MCF2L: variants seen among roughly 807,000 people sequenced by gnomAD.
MCF2L encodes the protein MCF.2 cell line derived transforming sequence like, also known as guanine nucleotide exchange factor DBS.
In MCF2L, 97 loss-of-function variants were observed where a neutral mutation model predicts 153.4. The observed-to-expected ratio is 0.63, with a 90% CI of 0.54 to 0.75. MCF2L has a LOEUF of 0.75. Ranked by LOEUF, MCF2L falls within the 30% of genes least tolerant of loss-of-function variation. The pLI, the probability that MCF2L is intolerant of heterozygous loss-of-function variation, is 0.00. For synonymous variants in MCF2L, 659 were observed against 632.2 expected (o/e 1.04, Z -0.64); for missense variants, 1,347 against 1,495.2 (o/e 0.90, Z 1.64).
chr13:113,055,483 C>G (rs1361898264), intron 4 of MCF2L, among the ~76,000 whole-genome samples: 2 of 140,316 alleles, frequency 1.4e-5, no homozygotes, highest in Non-Finnish European at 3.0e-5. Context: ...TCAGCTTGTC[C>G]TTAAAGATCC....
intron 18 of MCF2L, chr13:113,084,670 G>A (rs1326968938): frequency 1.7e-6 from 1 of 582,720 alleles, no homozygotes; most frequent in Non-Finnish European, 3.1e-6. Flanking sequence ...AGGGGCTCTG[G>A]GACAGGGAGC....
In MCF2L at chr13:112,904,839, CCCAG is replaced by C. The variant is rs1427217252; in HGVS notation, c.169+2470_169+2473del. Among the ~76,000 whole-genome samples, 1 of 152,242 alleles carries C rather than the reference CCCAG, an allele frequency of 6.6e-6. No individual in the cohort carries two copies. Among genetic ancestry groups the C allele is most frequent in the Non-Finnish European group, 1.5e-5 (1 of 68,052 alleles). Reference sequence around the variant, plus strand: ...ACCTGGGGCCTTGGCAATGTCCTAGCCCAGCTGGCTGGAGACAGTTGGTGGTGAT... The same window carrying C: ...ACCTGGGGCCTTGGCAATGTCCTAGCCTGGCTGGAGACAGTTGGTGGTGAT... On this transcript the variant is annotated intron_variant, in intron 2 of 29. Coordinates refer to the MCF2L transcript ENST00000375608. The surrounding 1 kb of genome is among the most constrained non-coding windows in gnomAD (Gnocchi z 4.2).
intron 1 of MCF2L, chr13:113,002,134 GA>G: frequency 1.0e-6 from 1 of 976,766 alleles, no homozygotes; most frequent in Non-Finnish European, 1.4e-6. Flanking sequence ...GCCGGGGATG[GA>G]TGTTGGGGTG....
chr13:113,002,121 G>T, intron 1 of MCF2L: 2 of 1,045,976 alleles, frequency 1.9e-6, no homozygotes, highest in Non-Finnish European at 2.6e-6. Flanking sequence ...GGGGCTGGGG[G>T]ATGCCGGGGA....
At chr13:112,978,330 C>T (rs182243664) in intron 1 of MCF2L, among the ~76,000 whole-genome samples, 31 of 152,308 alleles carry the variant, frequency 2.0e-4, no homozygotes, top group Non-Finnish European at 2.9e-5. Flanking sequence ...CTTCAGGGGA[C>T]GGCAGCCTTG....
intron 2 of MCF2L, among the ~76,000 whole-genome samples, chr13:112,906,909 A>T (rs979846302): frequency 1.3e-5 from 2 of 152,228 alleles, no homozygotes; most frequent in African/African-American, 4.8e-5. Flanking sequence ...ACCTTTGAGC[A>T]TCACACTGTT....
chr13:113,044,900 A>G, intron 3 of MCF2L: 1 of 1,612,738 alleles, frequency 6.2e-7, no homozygotes, highest in Non-Finnish European at 8.5e-7. Flanking sequence ...TATGCGCCAT[A>G]AGACTGTTTT....
At chr13:112,896,465 T>C (rs58811248) in intron 1 of MCF2L, among the ~76,000 whole-genome samples, 15,012 of 151,332 alleles carry the variant, frequency 0.099, 2,295 homozygotes, top group African/African-American at 0.33. Flanking sequence ...AGGCCCCCCC[T>C]GTCTTTACAG....
intron 20 of MCF2L, 132 bp downstream of exon 20, chr13:113,085,310 A>T: frequency 1.4e-6 from 1 of 726,300 alleles, no homozygotes; most frequent in Non-Finnish European, 2.3e-6. Flanking sequence ...GCCTGTGCTG[A>T]GGCTGGGATG....
At chr13:112,912,059 G>A (rs900200274) in intron 2 of MCF2L, among the ~76,000 whole-genome samples, 5 of 152,182 alleles carry the variant, frequency 3.3e-5, no homozygotes, top group Admixed American at 3.3e-4. Flanking sequence ...GGAGGTGGCC[G>A]TGCATGTGGC....
chr13:113,018,786 G>T (rs900584315), intron 2 of MCF2L, among the ~76,000 whole-genome samples: 6 of 152,244 alleles, frequency 3.9e-5, no homozygotes, highest in Non-Finnish European at 8.8e-5. Flanking sequence ...TGGAGGCCCT[G>T]CCCGGAACGC....
chr13:112,977,423 C>T (rs1488555433), intron 1 of MCF2L, among the ~76,000 whole-genome samples: 2 of 152,108 alleles, frequency 1.3e-5, no homozygotes, highest in Non-Finnish European at 2.9e-5. Context: ...CAGGAGAGGA[C>T]GGCCGCGTTT....
chr13:113,077,300 C>A, intron 13 of MCF2L, 89 bp downstream of exon 13: 1 of 1,380,582 alleles, frequency 7.2e-7, no homozygotes, highest in East Asian at 2.6e-5. Context: ...AGGCAGCCAC[C>A]TGCGAAAACT....
At position 112,943,820 on chromosome 13, in the gene MCF2L, A is replaced by T. The variant is rs1245287603; in HGVS notation, c.169+41449A>T. On this transcript the variant is annotated intron_variant, in intron 2 of 29. Transcript: ENST00000375608. The surrounding 1 kb of genome is among the most constrained non-coding windows in gnomAD (Gnocchi z 4.2). ...AGGCGGACCGGAAGGACCTGGCGGG[A>T]GGCGTAGTAGGCGGGGTGAGGGGAT... Among the ~76,000 whole-genome samples, 2 of 151,126 alleles carry T rather than the reference A, an allele frequency of 1.3e-5. No individual in the cohort carries two copies. The highest frequency in any genetic ancestry group is 3.0e-5 in the Non-Finnish European group (2 of 67,758).
In MCF2L at chr13:112,979,580, C is replaced by T. The variant is rs7987670; in HGVS notation, c.79+10122C>T. On this transcript the variant is annotated intron_variant, in intron 1 of 29. Transcript: ENST00000535094. ...CGCAGCAGAGACCCGAAGGCTGTGG[C>T]TCTAGCATCAGGGGGTCGCCTGTGG... 3,108 of 1,588,352 alleles carry T rather than the reference C, an allele frequency of 2.0e-3. 62 individuals are homozygous for T. In the African/African-American group the frequency reaches 0.038, roughly 19 times the overall value.
intron 2 of MCF2L, among the ~76,000 whole-genome samples, chr13:112,903,101 C>T (rs1881962906): frequency 6.6e-6 from 1 of 152,240 alleles, no homozygotes; most frequent in Non-Finnish European, 1.5e-5. Context: ...TGTGGGCACT[C>T]ACCACTGAGG....
chr13:112,943,556 C>G lies in MCF2L; in HGVS notation c.169+41185C>G, dbSNP rs1428502098. Among the ~76,000 whole-genome samples the G allele has an allele frequency of 6.6e-6, 1 of 152,058 alleles. No individual in the cohort carries two copies. Among genetic ancestry groups the G allele is most frequent in the Non-Finnish European group, 1.5e-5 (1 of 67,974 alleles). On this transcript the variant is annotated intron_variant, in intron 2 of 29. Transcript: ENST00000375608. This position sits in a 1 kb window ranked among gnomAD's most constrained non-coding sequence, Gnocchi z 4.2. Reference sequence around the variant, plus strand: ...GAGGCTGCGCCTGCAGCACCGCAGCCAGAGCCGAGACTCCGCGCCTTTCAA... The same window carrying G: ...GAGGCTGCGCCTGCAGCACCGCAGCGAGAGCCGAGACTCCGCGCCTTTCAA...
At chr13:112,952,515 T>A (rs1332370166) in intron 2 of MCF2L, among the ~76,000 whole-genome samples, 1 of 152,222 alleles carries the variant, frequency 6.6e-6, no homozygotes, top group Non-Finnish European at 1.5e-5. Context: ...AGTCACCGGA[T>A]CCTCTTGGCA....
chr13:112,979,860 A>G (rs1410925024), intron 1 of MCF2L: 1 of 1,085,780 alleles, frequency 9.2e-7, no homozygotes, highest in Non-Finnish European at 1.3e-6. Flanking sequence ...TTCTCTCACC[A>G]CTTGACCAGC....
Sources: allele counts gnomAD v4.1 joint callset (sites outside exome capture counted in the v4.1 genomes callset), GRCh38; gene constraint gnomAD v4.1.1; non-coding constraint Gnocchi (gnomAD v3.1); transcripts MANE v1.5; gene names NCBI Gene and HGNC (gene_info 2026-07-23, HGNC 2026-07-21).